Variants in COBL observed in about 807,000 individuals in gnomAD.
COBL encodes protein cordon-bleu.
In COBL, 51 loss-of-function variants were observed where a neutral mutation model predicts 98.8. The observed-to-expected ratio is 0.52, with a 90% CI of 0.41 to 0.65. The LOEUF is 0.65. COBL is among the 30% of genes least tolerant of loss of function. COBL has a pLI of 0.00. For missense variants in COBL, 1,617 were observed against 1,617.5 expected (o/e 1.00, Z 0.01); for synonymous variants, 634 against 651.7 (o/e 0.97, Z 0.41).
intron 4 of COBL, chr7:51,188,066 A>C (rs1360984161): frequency 1.1e-5 from 10 of 884,008 alleles, no homozygotes; most frequent in Non-Finnish European, 1.5e-5. Context: ...GTCCTGCTGC[A>C]GCAGTGAGAA....
At chr7:51,215,375 G>GT (rs533514616) in intron 2 of COBL, among the ~76,000 whole-genome samples, 1 of 152,086 alleles carries the variant, frequency 6.6e-6, no homozygotes, top group African/African-American at 2.4e-5. Context: ...GCATGTTTTT[G>GT]TTTTTTTCAG....
intron 2 of COBL, among the ~76,000 whole-genome samples, chr7:51,196,920 T>C (rs1054174700): frequency 6.6e-6 from 1 of 152,104 alleles, no homozygotes; most frequent in Non-Finnish European, 1.5e-5. Flanking sequence ...CTCTCTTTTC[T>C]TCTTTATTAG....
rs1191765454 is a variant in COBL, at chr7:51,136,170, C to T, written c.945G>A (p.Lys315=). 3 of 1,611,520 alleles carry T rather than the reference C, an allele frequency of 1.9e-6. No homozygotes were observed. Among genetic ancestry groups the T allele is most frequent in the Non-Finnish European group, 2.5e-6 (3 of 1,179,740 alleles). The change falls in exon 6 of 13, where the codon AAG becomes AAA. Residue 315 remains lysine, a synonymous_variant. Transcript: ENST00000265136. The part of the protein sequence containing the change: ...PPGSGPPVQD[K]ASEKVSLGSQ... ...CCCACTGCCCTACCTTTTCCGATGC[C>T]TTGTCTTGCACAGGTGGCCCTGAAC...
chr7:51,260,445 C>T (rs1797610937), intron 1 of COBL, among the ~76,000 whole-genome samples: 1 of 152,194 alleles, frequency 6.6e-6, no homozygotes, highest in South Asian at 2.1e-4. Context: ...TAAACATCCA[C>T]AAATGAGGAT....
intron 6 of COBL, among the ~76,000 whole-genome samples, chr7:51,119,457 G>A (rs1797558153): frequency 6.6e-6 from 1 of 152,174 alleles, no homozygotes. Flanking sequence ...TTGGGCCTGT[G>A]TTTGTAAAGT....
rs139208231 is a variant in COBL, at chr7:51,262,482, G to A, written c.42-42538C>T. On this transcript the variant is annotated intron_variant, in intron 1 of 12. Transcript: ENST00000265136. ...GGTGGCCATGGGAAAGGACTCCTGC[G>A]ACTCAGGACTGGGTCTGAGACCCTC... 1.6e-3 allele frequency among the ~76,000 whole-genome samples: 245 copies of A among 152,334 alleles called. 2 individuals carry two copies. Among genetic ancestry groups the A allele is most frequent in the African/African-American group, 5.7e-3 (235 of 41,586 alleles).
intron 2 of COBL, among the ~76,000 whole-genome samples, chr7:51,201,079 A>C (rs1791073350): frequency 6.6e-6 from 1 of 152,004 alleles, no homozygotes; most frequent in South Asian, 2.1e-4. Context: ...TCTTTACTAA[A>C]AATACCAAAA....
intron 1 of COBL, among the ~76,000 whole-genome samples, chr7:51,239,950 G>A (rs1795620626): frequency 6.6e-6 from 1 of 152,182 alleles, no homozygotes; most frequent in Non-Finnish European, 1.5e-5. Flanking sequence ...CTTAGCCACT[G>A]TGGCAAAAAT....
rs189626243 is a variant in COBL, at chr7:51,270,866, G to A, written c.41+45727C>T. Reference sequence around the variant, plus strand: ...AAAAAAAACAAGAAATCAGATTTTAGAAATTTGCAAGTATGTATGTTTGTT... The same window carrying A: ...AAAAAAAACAAGAAATCAGATTTTAAAAATTTGCAAGTATGTATGTTTGTT... On this transcript the variant is annotated intron_variant, in intron 1 of 12. Transcript: ENST00000265136. Among the ~76,000 whole-genome samples the A allele has an allele frequency of 2.7e-3, 403 of 151,942 alleles. 2 individuals carry two copies. The highest frequency in any genetic ancestry group is 9.2e-3 in the African/African-American group (381 of 41,446).
chr7:51,153,187 G>T (rs951993972), intron 5 of COBL, among the ~76,000 whole-genome samples: 1 of 152,124 alleles, frequency 6.6e-6, no homozygotes, highest in African/African-American at 2.4e-5. Flanking sequence ...ATAAAAAAAA[G>T]ATACTTTTTT....
intron 1 of COBL, among the ~76,000 whole-genome samples, chr7:51,242,118 C>T (rs554245764): frequency 6.6e-6 from 1 of 152,316 alleles, no homozygotes; most frequent in Non-Finnish European, 1.5e-5. Context: ...TTCACTTCAG[C>T]TTCTGATTGG....
chr7:51,129,175 T>C (rs1798506919), intron 6 of COBL, among the ~76,000 whole-genome samples: 1 of 152,012 alleles, frequency 6.6e-6, no homozygotes, highest in African/African-American at 2.4e-5. Flanking sequence ...ATACCATAGA[T>C]TGGGAGGCTT....
intron 1 of COBL, among the ~76,000 whole-genome samples, chr7:51,250,373 T>C (rs1402043200): frequency 1.3e-5 from 2 of 152,232 alleles, no homozygotes; most frequent in Non-Finnish European, 2.9e-5. Context: ...TGTAATTAAA[T>C]ATTATGTAAA....
In COBL at chr7:51,303,546, T is replaced by C. The variant is rs150436445; in HGVS notation, c.41+13047A>G. Among the ~76,000 whole-genome samples, 415 of 152,326 alleles carry C rather than the reference T, an allele frequency of 2.7e-3. 1 individual carries two copies. Among genetic ancestry groups the C allele is most frequent in the Middle Eastern group, 0.017 (5 of 294 alleles). The stretch of plus-strand genomic sequence containing the variant: ...GAGGCATCACTTGTCATTACTTTCC[T>C]CTAGCAAAAACAGACTCATTCCACA... On this transcript the variant is annotated intron_variant, in intron 1 of 12. Transcript: ENST00000265136.
At chr7:51,048,076 G>T (rs1789890870) in intron 7 of COBL, among the ~76,000 whole-genome samples, 1 of 152,132 alleles carries the variant, frequency 6.6e-6, no homozygotes, top group Admixed American at 6.5e-5. Flanking sequence ...TTGAGGCAGA[G>T]AATTGCTTGA....
At chr7:51,093,394 T>C (rs1794990217) in intron 6 of COBL, among the ~76,000 whole-genome samples, 1 of 152,218 alleles carries the variant, frequency 6.6e-6, no homozygotes, top group Non-Finnish European at 1.5e-5. Context: ...TGTGTATTGT[T>C]GGTGAAAATG....
intron 7 of COBL, among the ~76,000 whole-genome samples, chr7:51,048,987 C>CA (rs1789983267): frequency 6.6e-6 from 1 of 152,192 alleles, no homozygotes; most frequent in East Asian, 1.9e-4. Context: ...AAGCTTGTCA[C>CA]ATACGAAGGT....
chr7:51,217,347 T>C (rs1009651423), intron 2 of COBL, among the ~76,000 whole-genome samples: 6 of 148,946 alleles, frequency 4.0e-5, no homozygotes, highest in East Asian at 1.9e-4. Flanking sequence ...TTTCTTTTTT[T>C]TTTTTTTTTT....
Position 51,149,097 on chromosome 7 carries a change from A to G in COBL, c.784-12766T>C, listed in dbSNP as rs866570983. Among the ~76,000 whole-genome samples, 6 of 152,080 alleles carry G rather than the reference A, an allele frequency of 3.9e-5. No individual in the cohort carries two copies. In the South Asian group the frequency reaches 1.0e-3, roughly 26 times the overall value. ...GCCCGAAGGGGCATTTATCTTCCCC[A>G]TATGGCCCCACAGCTACACTGCTCT... is the stretch of plus-strand genomic sequence containing the variant. On this transcript the variant is annotated intron_variant, in intron 5 of 12. Coordinates refer to ENST00000265136, the MANE Select transcript of COBL (RefSeq NM_015198.5).
Sources: gnomAD v4.1 joint callset for allele counts (sites outside exome capture counted in the v4.1 genomes callset) on GRCh38, gnomAD v4.1.1 for gene constraint, MANE v1.5 for transcripts, NCBI Gene and HGNC (gene_info 2026-07-23, HGNC 2026-07-21) for gene names.